Variants in ZDHHC15 observed in about 807,000 individuals in gnomAD.
ZDHHC15 encodes palmitoyltransferase ZDHHC15.
A neutral mutation model predicts 31.7 loss-of-function variants in ZDHHC15; 19 were observed. The ratio of observed to expected loss-of-function variants is 0.60; its 90% CI spans 0.42 to 0.88. ZDHHC15 has a LOEUF of 0.88. Ranked by LOEUF, ZDHHC15 falls within the 40% of genes least tolerant of loss-of-function variation. The probability of loss-of-function intolerance (pLI) is 0.00; values close to 1 mark genes in which losing one functional copy is unlikely to be tolerated. For missense variants in ZDHHC15, 209 were observed against 251.2 expected (o/e 0.83, Z 1.14); for synonymous variants, 103 against 90.0 (o/e 1.14, Z -0.82).
At chrX:75,455,898 A>G (rs1265882494) in intron 3 of ZDHHC15, among the ~76,000 whole-genome samples, 2 of 111,800 alleles carry the variant, frequency 1.8e-5, no homozygotes, top group Non-Finnish European at 3.8e-5. Context: ...CTTTTACACC[A>G]TTGGTGGGAG....
At chrX:75,459,028 G>C (rs777605696) in intron 3 of ZDHHC15, among the ~76,000 whole-genome samples, 1,084 of 104,533 alleles carry the variant, frequency 0.01, 6 homozygotes, top group Non-Finnish European at 0.018. Context: ...CCAGCCAAGG[G>C]AATTGGTGAA....
intron 1 of ZDHHC15, among the ~76,000 whole-genome samples, chrX:75,517,344 C>T (rs1044520164): frequency 9.1e-6 from 1 of 110,479 alleles, no homozygotes; most frequent in Non-Finnish European, 1.9e-5. Context: ...ACCCAAATGC[C>T]CATCAATGAT....
intron 8 of ZDHHC15, among the ~76,000 whole-genome samples, chrX:75,423,605 C>A (rs2083675962): frequency 1.0e-5 from 1 of 99,601 alleles, no homozygotes; most frequent in Admixed American, 1.2e-4. Context: ...ATTGATGGAC[C>A]TTTAGGTTGA....
chrX:75,437,376 G>A (rs1210580727), intron 4 of ZDHHC15, among the ~76,000 whole-genome samples: 2 of 95,535 alleles, frequency 2.1e-5, no homozygotes, highest in South Asian at 5.7e-4. Flanking sequence ...ATGCTGGTGT[G>A]CTGCACCCAC....
chrX:75,487,382 G>T (rs753096658), intron 2 of ZDHHC15, among the ~76,000 whole-genome samples: 2 of 112,072 alleles, frequency 1.8e-5, no homozygotes, highest in Non-Finnish European at 3.8e-5. Context: ...CCCAGAAATA[G>T]CCTGGAGCCT....
At chrX:75,509,522 C>T (rs1162363289) in intron 1 of ZDHHC15, among the ~76,000 whole-genome samples, 1 of 111,718 alleles carries the variant, frequency 9.0e-6, no homozygotes, top group Non-Finnish European at 1.9e-5. Flanking sequence ...GTGAGATAAG[C>T]ACTCACTTAC....
intron 11 of ZDHHC15, among the ~76,000 whole-genome samples, chrX:75,378,744 T>A (rs1328193697): frequency 9.0e-6 from 1 of 111,283 alleles, no homozygotes; most frequent in Non-Finnish European, 1.9e-5. Context: ...TTAACTGACA[T>A]AATGGAGTCA....
At position 75,435,751 on chromosome X, in the gene ZDHHC15, T is replaced by C. The variant is rs746693570; in HGVS notation, c.380-4231A>G. On this transcript the variant is annotated intron_variant, in intron 4 of 11. Transcript: ENST00000373367. ...TGTTGAATTCGGTTAGCTAGTATTT[T>C]GTTGAGGATTTCTGCATCTATATTC... Among the ~76,000 whole-genome samples the C allele has an allele frequency of 2.7e-5, 3 of 112,312 alleles. No individual in the cohort carries two copies. In the South Asian group the frequency reaches 1.1e-3, roughly 42 times the overall value.
At chrX:75,466,918 G>T (rs887030685) in intron 3 of ZDHHC15, among the ~76,000 whole-genome samples, 2 of 109,520 alleles carry the variant, frequency 1.8e-5, no homozygotes, top group Non-Finnish European at 3.8e-5. Context: ...ACAGCATCAG[G>T]AAGAGGAGCT....
At chrX:75,381,629 T>G (rs938620430) in intron 10 of ZDHHC15, among the ~76,000 whole-genome samples, 2 of 111,674 alleles carry the variant, frequency 1.8e-5, no homozygotes, top group African/African-American at 6.5e-5. Flanking sequence ...TAATAGCTAT[T>G]TTCTATGTTA....
At chrX:75,476,245 T>C (rs951475102) in intron 3 of ZDHHC15, among the ~76,000 whole-genome samples, 2 of 109,997 alleles carry the variant, frequency 1.8e-5, no homozygotes, top group African/African-American at 6.8e-5. Context: ...AGAGGAAATG[T>C]TTCTTATTTT....
chrX:75,486,744 T>C (rs1275600137), intron 2 of ZDHHC15, among the ~76,000 whole-genome samples: 1 of 78,790 alleles, frequency 1.3e-5, no homozygotes, highest in African/African-American at 4.8e-5. Context: ...ACTTGTTTGA[T>C]GCAGCAGACA....
intron 10 of ZDHHC15, among the ~76,000 whole-genome samples, chrX:75,397,423 T>A (rs2083310592): frequency 8.9e-6 from 1 of 111,776 alleles, no homozygotes; most frequent in African/African-American, 3.2e-5. Flanking sequence ...GATAAATGCT[T>A]GAAGTTGTAG....
At chrX:75,403,770 G>A (rs774515686) in intron 10 of ZDHHC15, among the ~76,000 whole-genome samples, 1 of 112,312 alleles carries the variant, frequency 8.9e-6, no homozygotes, top group Non-Finnish European at 1.9e-5. Flanking sequence ...TGATGGACAG[G>A]TAGAATCAAT....
intron 3 of ZDHHC15, among the ~76,000 whole-genome samples, chrX:75,461,388 C>T (rs182571272): frequency 9.0e-6 from 1 of 111,633 alleles, no homozygotes; most frequent in East Asian, 2.8e-4. Flanking sequence ...AGAACTTCTC[C>T]AGCCTAGCAA....
chrX:75,505,678 C>G (rs2085147473), intron 2 of ZDHHC15, 143 bp downstream of exon 2: 2 of 660,658 alleles, frequency 3.0e-6, no homozygotes, highest in African/African-American at 4.4e-5. Context: ...GTGTAAGCTT[C>G]CTGAAAACCA....
At chrX:75,438,105 C>A (rs1283208461) in intron 4 of ZDHHC15, among the ~76,000 whole-genome samples, 2 of 111,683 alleles carry the variant, frequency 1.8e-5, no homozygotes, top group Non-Finnish European at 3.8e-5. Flanking sequence ...GTTAGAATGG[C>A]AATCATTAAA....
At chrX:75,407,258 C>T (rs1244277671) in intron 10 of ZDHHC15, among the ~76,000 whole-genome samples, 16 of 111,011 alleles carry the variant, frequency 1.4e-4, no homozygotes, top group Admixed American at 3.8e-4. Flanking sequence ...TCTGCCCAGC[C>T]GCCCCGTCTG....
In ZDHHC15 at chrX:75,429,939, C is replaced by G. The variant is rs1281751690; in HGVS notation, c.482+9G>C. The G allele has an allele frequency of 8.3e-7, 1 of 1,208,335 alleles. No homozygotes were observed. Among genetic ancestry groups the G allele is most frequent in the African/African-American group, 1.7e-5 (1 of 57,627 alleles). ...CTTTAGAGGAGAGAAATGAATCAAA[C>G]AGACATACCAAGGGCAGTGATGATC... On this transcript the variant is annotated intron_variant, in intron 6 of 11. Coordinates refer to ENST00000373367, the MANE Select transcript of ZDHHC15 (RefSeq NM_144969.3).
Sources: gnomAD v4.1 joint callset for allele counts (sites outside exome capture counted in the v4.1 genomes callset) on GRCh38, gnomAD v4.1.1 for gene constraint, MANE v1.5 for transcripts, NCBI Gene and HGNC (gene_info 2026-07-23, HGNC 2026-07-21) for gene names.